Variants in THSD4 observed in about 807,000 individuals in gnomAD.
THSD4 encodes thrombospondin type 1 domain containing 4.
In THSD4, 69 loss-of-function variants were observed where a neutral mutation model predicts 119.0. The ratio of observed to expected loss-of-function variants is 0.58; its 90% CI spans 0.48 to 0.71. THSD4 has a LOEUF of 0.71. THSD4 is among the 30% of genes least tolerant of loss of function. The pLI, the probability that THSD4 is intolerant of heterozygous loss-of-function variation, is 0.00. For missense variants in THSD4, 1,393 were observed against 1,391.1 expected, an observed-to-expected ratio of 1.00 and a Z score of -0.02; for synonymous variants, 524 against 540.4, an observed-to-expected ratio of 0.97 and a Z score of 0.42.
chr15:71,774,725 C>G (rs930952435), intron 17 of THSD4, among the ~76,000 whole-genome samples: 1 of 151,656 alleles, frequency 6.6e-6, no homozygotes, highest in Non-Finnish European at 1.5e-5. Flanking sequence ...GTGGCTGCCC[C>G]TATGAACAGT....
rs1166336785 is a variant in THSD4 at position 71,121,523 on chromosome 15, C to T, written c.-80+5825C>T. ...TTGTTTGACCCCTGACCCTCACATG[C>T]CTTGGATTCTGTCTGGCTTGCTCCT... On this transcript the variant is annotated intron_variant, in intron 1 of 17. Transcript: ENST00000261862. 2.0e-5 allele frequency among the ~76,000 whole-genome samples: 3 copies of T among 152,136 alleles called. No individual in the cohort carries two copies. In the East Asian group the frequency reaches 5.8e-4, roughly 29 times the overall value.
chr15:71,487,601 G>A (rs183125428), intron 7 of THSD4, among the ~76,000 whole-genome samples: 1 of 152,286 alleles, frequency 6.6e-6, no homozygotes, highest in African/African-American at 2.4e-5. Context: ...CTTATGGCCA[G>A]CTTAGAATCT....
At position 71,780,477 on chromosome 15, in the gene THSD4, TTC is replaced by T. The variant is rs2053980059; in HGVS notation, c.*3109_*3110del. 8.1e-6 allele frequency: 2 copies of T among 245,612 alleles called. No individual in the cohort carries two copies. The highest frequency in any genetic ancestry group is 8.5e-5 in the East Asian group (1 of 11,766). 15.2% of individuals were successfully genotyped at this position (245,612 alleles called of 1,614,324 possible). Reference sequence around the variant, plus strand: ...TTTCCACCCTCACGATGACTTGCGGTTCTCTCTGTAGAAAAGGGATGGCCTAA... The same window carrying T: ...TTTCCACCCTCACGATGACTTGCGGTTCTCTGTAGAAAAGGGATGGCCTAA... On this transcript the variant is annotated 3_prime_UTR_variant, in exon 18 of 18. Coordinates refer to ENST00000261862, the MANE Select transcript of THSD4 (RefSeq NM_024817.3).
At chr15:71,637,924 A>C (rs2050779867) in intron 7 of THSD4, among the ~76,000 whole-genome samples, 1 of 151,852 alleles carries the variant, frequency 6.6e-6, no homozygotes, top group Admixed American at 6.6e-5. Flanking sequence ...ACGGAGTTTC[A>C]CCATGTTGGC....
At chr15:71,590,091 CG>C in intron 7 of THSD4, among the ~76,000 whole-genome samples, 1 of 139,170 alleles carries the variant, frequency 7.2e-6, no homozygotes, top group South Asian at 2.3e-4. Flanking sequence ...ATAGTGGTTA[CG>C]GCTGATGAAG....
At chr15:71,621,043 T>G (rs1416545703) in intron 7 of THSD4, among the ~76,000 whole-genome samples, 2 of 152,204 alleles carry the variant, frequency 1.3e-5, no homozygotes, top group Non-Finnish European at 2.9e-5. Context: ...TATTCTATGT[T>G]CATGATTTCT....
At chr15:71,232,109 G>A (rs2044066183) in intron 4 of THSD4, among the ~76,000 whole-genome samples, 1 of 152,098 alleles carries the variant, frequency 6.6e-6, no homozygotes, top group Admixed American at 6.6e-5. Context: ...GTCCTCAGCT[G>A]CTGCTCCCTC....
At chr15:71,215,763 C>T (rs2043927566) in intron 4 of THSD4, among the ~76,000 whole-genome samples, 1 of 152,056 alleles carries the variant, frequency 6.6e-6, no homozygotes, top group Non-Finnish European at 1.5e-5. Flanking sequence ...TGGATTAAAG[C>T]TGAGGACACA....
At chr15:71,434,091 C>T (rs1264229222) in intron 7 of THSD4, among the ~76,000 whole-genome samples, 1 of 152,046 alleles carries the variant, frequency 6.6e-6, no homozygotes, top group African/African-American at 2.4e-5. Context: ...ATTCTGAAGC[C>T]ATTTTTATGT....
At chr15:71,340,796 C>T (rs191451795) in intron 6 of THSD4, among the ~76,000 whole-genome samples, 33 of 152,142 alleles carry the variant, frequency 2.2e-4, no homozygotes, top group African/African-American at 7.7e-4. Context: ...GACAGAGTTT[C>T]GTCATGTTGA....
chr15:71,761,889 A>C (rs1466274625), intron 15 of THSD4, among the ~76,000 whole-genome samples: 5 of 152,206 alleles, frequency 3.3e-5, no homozygotes, highest in Admixed American at 3.3e-4. Context: ...CAGTCAGGCC[A>C]GCCCGGCTGC....
At chr15:71,272,955 T>G (rs1360178996) in intron 6 of THSD4, among the ~76,000 whole-genome samples, 1 of 152,116 alleles carries the variant, frequency 6.6e-6, no homozygotes, top group African/African-American at 2.4e-5. Context: ...GGAATGTAAG[T>G]TAGAACAGCC....
At chr15:71,482,912 C>A (rs2047755239) in intron 7 of THSD4, among the ~76,000 whole-genome samples, 1 of 152,114 alleles carries the variant, frequency 6.6e-6, no homozygotes, top group African/African-American at 2.4e-5. Context: ...AATAGGAAAG[C>A]AAACCTTTCT....
intron 7 of THSD4, among the ~76,000 whole-genome samples, chr15:71,473,784 G>A (rs1056688739): frequency 2.6e-5 from 4 of 152,204 alleles, no homozygotes; most frequent in African/African-American, 9.6e-5. Context: ...CATGCATGCT[G>A]TGCGATGCAT....
intron 7 of THSD4, among the ~76,000 whole-genome samples, chr15:71,536,641 G>T (rs941452637): frequency 4.6e-5 from 7 of 151,984 alleles, no homozygotes; most frequent in Admixed American, 3.9e-4. Context: ...ATGATGTTTT[G>T]GGTTTATGTA....
chr15:71,283,127 AC>A (rs2044676076), intron 6 of THSD4, among the ~76,000 whole-genome samples: 1 of 151,662 alleles, frequency 6.6e-6, no homozygotes, highest in South Asian at 2.1e-4. Flanking sequence ...GTGCCACCAC[AC>A]CCGGTTAATG....
intron 7 of THSD4, among the ~76,000 whole-genome samples, chr15:71,600,626 G>A (rs2049988097): frequency 6.6e-6 from 1 of 152,116 alleles, no homozygotes. Context: ...GACAATTAAA[G>A]TAGTAACAAC....
intron 6 of THSD4, chr15:71,341,703 A>G (rs1432963685): frequency 1.7e-6 from 2 of 1,195,056 alleles, no homozygotes; most frequent in African/African-American, 1.5e-5. Flanking sequence ...TCAAGTGAAT[A>G]GCGAACCATT....
intron 6 of THSD4, among the ~76,000 whole-genome samples, chr15:71,385,491 A>G (rs1566964287): frequency 6.6e-6 from 1 of 152,220 alleles, no homozygotes; most frequent in Non-Finnish European, 1.5e-5. Flanking sequence ...CTGCCACATG[A>G]CTGGACACTT....
Sources: gnomAD v4.1 joint callset for allele counts (sites outside exome capture counted in the v4.1 genomes callset) on GRCh38, gnomAD v4.1.1 for gene constraint, MANE v1.5 for transcripts, NCBI Gene and HGNC (gene_info 2026-07-23, HGNC 2026-07-21) for gene names.